The following DDX31 variants were observed in gnomAD, a reference collection of about 807,000 sequenced individuals.
The protein encoded by DDX31 is DEAD-box helicase 31.
Under a neutral mutation model 91.3 loss-of-function variants are expected in DDX31, and 70 were observed. That is an observed-to-expected ratio of 0.77 (90% CI 0.63 to 0.94). DDX31 has a LOEUF of 0.94. Among genes scored for constraint, DDX31 ranks in the 40% least tolerant of loss-of-function variants. DDX31 has a pLI of 0.00. For missense variants in DDX31, 902 were observed against 925.0 expected (o/e 0.98, Z 0.32); for synonymous variants, 362 against 350.6 (o/e 1.03, Z -0.36).
chr9:132,611,314 G>T (rs576930116), intron 19 of DDX31, among the ~76,000 whole-genome samples: 1 of 152,202 alleles, frequency 6.6e-6, no homozygotes, highest in Non-Finnish European at 1.5e-5. Flanking sequence ...CATAAACAAT[G>T]AGACCATCCG....
At chr9:132,622,486 G>C (rs925919113) in intron 17 of DDX31, among the ~76,000 whole-genome samples, 1 of 152,190 alleles carries the variant, frequency 6.6e-6, no homozygotes, top group Admixed American at 6.5e-5. Context: ...CTCTGGGGAC[G>C]TGTCCTTCAG....
chr9:132,652,409 C>A (rs1834251568), intron 7 of DDX31, 39 bp downstream of exon 7: 2 of 1,613,466 alleles, frequency 1.2e-6, no homozygotes, highest in Non-Finnish European at 1.7e-6. Flanking sequence ...TTAGTGAAAG[C>A]ATGTGCTTAA....
chr9:132,654,963 AAG>A (rs1554770617), intron 6 of DDX31, among the ~76,000 whole-genome samples: 73 of 146,210 alleles, frequency 5.0e-4, no homozygotes, highest in Middle Eastern at 3.5e-3. Flanking sequence ...AAAAAAAAAA[AAG>A]AAGAAGAAGA....
At chr9:132,601,971 G>A (rs1194307507) in intron 19 of DDX31, among the ~76,000 whole-genome samples, 1 of 152,198 alleles carries the variant, frequency 6.6e-6, no homozygotes. Context: ...TTAACAGCAC[G>A]AAAAAGAGAA....
In DDX31 at chr9:132,632,064, G is replaced by A; in HGVS notation, c.1468C>T (p.Pro490Ser). ...TDVAARGLDL[P>S]QVTWIVQYNA... ...ACCTGAACAATCCACGTGACTTGAG[G>A]GAGATCTAAGCCCCGAGCTGCAACA... The change falls in exon 15 of 20, where the codon CCT becomes TCT. Residue 490 changes from proline (P) to serine (S), a missense_variant. By Grantham distance (74) the Pro-to-Ser change is moderately conservative (BLOSUM62 -1). Transcript: ENST00000372159. 6.2e-7 allele frequency: 1 copy of A among 1,613,212 alleles called. No individual in the cohort carries two copies. The highest frequency in any genetic ancestry group is 2.2e-5 in the East Asian group (1 of 44,848).
chr9:132,665,642 T>G (rs140916144), intron 1 of DDX31, among the ~76,000 whole-genome samples: 101 of 152,268 alleles, frequency 6.6e-4, no homozygotes, highest in Non-Finnish European at 1.4e-3. Flanking sequence ...AAAAAATTCG[T>G]TTGAGTCTCT....
Position 132,648,258 on chromosome 9 carries a change from T to A in DDX31, c.898A>T (p.Ile300Leu), listed in dbSNP as rs1363351013. 6.2e-7 allele frequency: 1 copy of A among 1,613,756 alleles called. No homozygotes were observed. The highest frequency in any genetic ancestry group is 1.7e-5 in the Admixed American group (1 of 59,948). ...CATTCAGCATTTACAGCATTAAGTA[T>A]CACTGTGATGTCCTTTTCAAAACCC... ...DLGFEKDITV[I>L]LNAVNAECQK... Residue 300 changes from isoleucine (I) to leucine (L), a missense_variant, in exon 11 of 20, where the codon ATA becomes TTA. By Grantham distance (5) the Ile-to-Leu change is conservative. Transcript: ENST00000372159.
At position 132,659,720 on chromosome 9, in the gene DDX31, C is replaced by T; in HGVS notation, c.513G>A (p.Gln171=). 6.2e-7 allele frequency: 1 copy of T among 1,611,234 alleles called. No homozygotes were observed. Among genetic ancestry groups the T allele is most frequent in the Non-Finnish European group, 8.5e-7 (1 of 1,178,528 alleles). ...LEGRDALVRS[Q]TGSGKTLAYC... is the part of the protein sequence containing the mutation. ...TGAAATGAGACTAACCTGAGCCCGT[C>T]TGGGATCTCACGAGAGCATCTCTGC... Residue 171 remains glutamine (Q), a synonymous_variant, in exon 5 of 20, where the codon CAG becomes CAA. Transcript: ENST00000372159.
intron 17 of DDX31, among the ~76,000 whole-genome samples, chr9:132,621,354 C>T (rs1832020689): frequency 6.6e-6 from 1 of 152,194 alleles, no homozygotes; most frequent in South Asian, 2.1e-4. Flanking sequence ...TCCCTAGAAC[C>T]TTCTGAGTGC....
chr9:132,607,611 G>T (rs1831096885), intron 19 of DDX31, among the ~76,000 whole-genome samples: 1 of 152,182 alleles, frequency 6.6e-6, no homozygotes, highest in Non-Finnish European at 1.5e-5. Flanking sequence ...ATAAAATAGG[G>T]TGGTTTAGAA....
intron 19 of DDX31, among the ~76,000 whole-genome samples, chr9:132,610,280 C>G (rs963824838): frequency 1.3e-5 from 2 of 152,208 alleles, no homozygotes; most frequent in African/African-American, 4.8e-5. Flanking sequence ...CCCTGCTCTG[C>G]ACTCCTGAAC....
chr9:132,654,788 C>T (rs895552711), intron 6 of DDX31, among the ~76,000 whole-genome samples: 4 of 151,526 alleles, frequency 2.6e-5, no homozygotes, highest in African/African-American at 7.3e-5. Flanking sequence ...TCTACTAAAA[C>T]TACAAAAATT....
At chr9:132,600,943 C>T (rs988990678) in intron 19 of DDX31, among the ~76,000 whole-genome samples, 7 of 152,178 alleles carry the variant, frequency 4.6e-5, no homozygotes, top group Admixed American at 1.3e-4. Context: ...GCCTACAGTG[C>T]GTTAGAGAGC....
intron 1 of DDX31, chr9:132,663,564 AT>A: frequency 1.0e-6 from 1 of 977,570 alleles, no homozygotes; most frequent in Admixed American, 6.1e-5. Flanking sequence ...TTCTTTTCTG[AT>A]TTACAAATGA....
At chr9:132,625,023 A>AC (rs947244069) in intron 17 of DDX31, among the ~76,000 whole-genome samples, 1 of 152,184 alleles carries the variant, frequency 6.6e-6, no homozygotes, top group African/African-American at 2.4e-5. Context: ...GCAACACTGC[A>AC]CCCACACACG....
chr9:132,648,030 A>T (rs1012640017), intron 11 of DDX31, among the ~76,000 whole-genome samples, 159 bp downstream of exon 11: 1 of 152,148 alleles, frequency 6.6e-6, no homozygotes, highest in Non-Finnish European at 1.5e-5. Flanking sequence ...TTGGGAGTGT[A>T]GAACATAGAG....
chr9:132,658,868 T>C lies in DDX31; in HGVS notation c.524-133A>G, dbSNP rs1171542399. 3 of 747,468 alleles carry C rather than the reference T, an allele frequency of 4.0e-6. No homozygotes were observed. The East Asian group carries it at 8.3e-5, about 21-fold the overall frequency. 46.3% of individuals were successfully genotyped at this position (747,468 alleles called of 1,614,324 possible). On this transcript the variant is annotated intron_variant, in intron 5 of 19. Transcript: ENST00000372159. Reference sequence around the variant, plus strand: ...TTCTAGGGAAAGGGAAACTGCCCATTATACATCCAAGAGAAGTGAAAAGGG... The same window carrying C: ...TTCTAGGGAAAGGGAAACTGCCCATCATACATCCAAGAGAAGTGAAAAGGG...
rs149332750 is a variant in DDX31 at position 132,637,808 on chromosome 9, G to A, written c.1440+4196C>T. 75 of 984,448 alleles carry A rather than the reference G, an allele frequency of 7.6e-5. 1 individual carries two copies. Among genetic ancestry groups the A allele is most frequent in the Middle Eastern group, 1.0e-3 (2 of 1,914 alleles). The allele number at this position is 984,448 out of a possible 1,614,324, so 61.0% of individuals were successfully genotyped here. Reference sequence around the variant, plus strand: ...ATCTCCAAATGATCTTTCCATTAACGAAACAAAATAAAACGAAAAAGATAC... The same window carrying A: ...ATCTCCAAATGATCTTTCCATTAACAAAACAAAATAAAACGAAAAAGATAC... On this transcript the variant is annotated intron_variant, in intron 14 of 19. Coordinates refer to ENST00000372159, the MANE Select transcript of DDX31 (RefSeq NM_022779.9).
In DDX31 at chr9:132,647,037, A is replaced by T; in HGVS notation, c.989T>A (p.Ile330Asn). The change falls in exon 12 of 20, where the codon ATC becomes AAC. Residue 330 changes from isoleucine to asparagine, a missense_variant. By Grantham distance (149) the Ile-to-Asn change is moderately radical. Coordinates refer to ENST00000372159, the MANE Select transcript of DDX31 (RefSeq NM_022779.9). The stretch of plus-strand genomic sequence containing the variant: ...AATACTGACTGGATCATGCAAACTG[A>T]TATCAGCTAGCCGCGTTACACCTTG... The part of the protein sequence containing the change: ...LTEGVTRLAD[I>N]SLHDPVSISV... 2 of 1,613,768 alleles carry T rather than the reference A, an allele frequency of 1.2e-6. No individual in the cohort carries two copies. Among genetic ancestry groups the T allele is most frequent in the African/African-American group, 1.3e-5 (1 of 74,904 alleles).
Sources: gnomAD v4.1 joint callset for allele counts (sites outside exome capture counted in the v4.1 genomes callset) on GRCh38, gnomAD v4.1.1 for gene constraint, MANE v1.5 for transcripts, NCBI Gene and HGNC (gene_info 2026-07-23, HGNC 2026-07-21) for gene names.